Variants in HTR1F observed in about 807,000 individuals in gnomAD.
The protein encoded by HTR1F is 5-hydroxytryptamine receptor 1F.
HTR1F carries 17 observed loss-of-function variants against 24.0 expected under a neutral mutation model. The observed-to-expected ratio is 0.71, with a 90% CI of 0.48 to 1.06. The LOEUF (loss-of-function observed/expected upper bound fraction) is 1.06, where lower values mean the gene tolerates loss of function less well. HTR1F is among the 50% of genes least tolerant of loss of function. The pLI, the probability that HTR1F is intolerant of heterozygous loss-of-function variation, is 0.00. For missense variants in HTR1F, 391 were observed against 427.8 expected (o/e 0.91, Z 0.76); for synonymous variants, 186 against 156.8 (o/e 1.19, Z -1.39).
chr3:87,809,892 T>C (rs1281859671), intron 1 of HTR1F, among the ~76,000 whole-genome samples: 1 of 152,108 alleles, frequency 6.6e-6, no homozygotes, highest in Non-Finnish European at 1.5e-5. Flanking sequence ...TGAGTCATTT[T>C]ATTGAATTTT....
At chr3:87,931,279 A>T (rs1195881151) in intron 2 of HTR1F, among the ~76,000 whole-genome samples, 2 of 151,244 alleles carry the variant, frequency 1.3e-5, no homozygotes. Flanking sequence ...ATTCCCATCT[A>T]TGAGTGAGAA....
At chr3:87,806,518 T>C (rs1206001865) in intron 1 of HTR1F, among the ~76,000 whole-genome samples, 1 of 152,088 alleles carries the variant, frequency 6.6e-6, no homozygotes, top group Non-Finnish European at 1.5e-5. Flanking sequence ...ATTTGTTTTA[T>C]TTTTTCTGTT....
intron 2 of HTR1F, among the ~76,000 whole-genome samples, chr3:87,841,980 G>T (rs116317603): frequency 9.4e-5 from 14 of 148,824 alleles, no homozygotes; most frequent in African/African-American, 3.5e-4. Flanking sequence ...TTTCCCAAGA[G>T]CTTCTGCTTA....
intron 2 of HTR1F, among the ~76,000 whole-genome samples, chr3:87,977,726 T>G (rs1413717247): frequency 1.3e-5 from 2 of 151,822 alleles, no homozygotes; most frequent in Non-Finnish European, 2.9e-5. Flanking sequence ...CCACCAAAGC[T>G]GAGTCTTTTA....
chr3:87,887,662 G>A (rs1297755143), intron 2 of HTR1F, among the ~76,000 whole-genome samples: 1 of 152,158 alleles, frequency 6.6e-6, no homozygotes, highest in Non-Finnish European at 1.5e-5. Flanking sequence ...GTGGGCAATG[G>A]ATATGAACAG....
intron 2 of HTR1F, among the ~76,000 whole-genome samples, chr3:87,963,370 T>G (rs1705101424): frequency 6.6e-6 from 1 of 152,116 alleles, no homozygotes; most frequent in South Asian, 2.1e-4. Flanking sequence ...CTAGGAAAGC[T>G]TCTTATATTA....
rs1559662429 is a variant in HTR1F at position 87,991,399 on chromosome 3, C to G, written c.650C>G (p.Ala217Gly). The G allele has an allele frequency of 2.5e-6, 4 of 1,613,840 alleles. No individual in the cohort carries two copies. Among genetic ancestry groups the G allele is most frequent in the Non-Finnish European group, 3.4e-6 (4 of 1,179,948 alleles). Residue 217 changes from alanine to glycine, a missense_variant, in exon 3 of 3, where the codon GCA becomes GGA. By Grantham distance (60) the Ala-to-Gly change is moderately conservative (BLOSUM62 0). Coordinates refer to ENST00000319595, the MANE Select transcript of HTR1F (RefSeq NM_001322209.2). Reference sequence around the variant, plus strand: ...AAGACATTATACCACAAGAGACAAGCAAGTAGGATTGCAAAGGAGGAGGTG... The same window carrying G: ...AAGACATTATACCACAAGAGACAAGGAAGTAGGATTGCAAAGGAGGAGGTG... ...AAKTLYHKRQ[A>G]SRIAKEEVNG...
intron 2 of HTR1F, among the ~76,000 whole-genome samples, chr3:87,845,499 T>A (rs1704920548): frequency 6.8e-6 from 1 of 147,568 alleles, no homozygotes; most frequent in African/African-American, 2.5e-5. Context: ...TCAAAGAGAA[T>A]AAAATACCTA....
intron 1 of HTR1F, among the ~76,000 whole-genome samples, chr3:87,796,223 G>A (rs918033160): frequency 6.6e-6 from 1 of 152,142 alleles, no homozygotes; most frequent in Non-Finnish European, 1.5e-5. Flanking sequence ...AAGACTTGAT[G>A]ATAGATTAGA....
chr3:87,905,768 T>C, intron 2 of HTR1F, among the ~76,000 whole-genome samples: 1 of 151,986 alleles, frequency 6.6e-6, no homozygotes, highest in East Asian at 1.9e-4. Flanking sequence ...ATCATTCTAA[T>C]CTTTCTTCAG....
chr3:87,916,322 A>AG (rs967938920), intron 2 of HTR1F, among the ~76,000 whole-genome samples: 1 of 151,038 alleles, frequency 6.6e-6, no homozygotes, highest in Non-Finnish European at 1.5e-5. Flanking sequence ...AAAAAAAAAA[A>AG]AAAAAACAAG....
At chr3:87,897,238 A>ATG (rs767401367) in intron 2 of HTR1F, among the ~76,000 whole-genome samples, 1 of 147,836 alleles carries the variant, frequency 6.8e-6, no homozygotes, top group Non-Finnish European at 1.5e-5. Context: ...TAAATGTTTT[A>ATG]TATATATATA....
chr3:87,892,981 A>G (rs983642389), intron 2 of HTR1F, among the ~76,000 whole-genome samples: 1 of 152,048 alleles, frequency 6.6e-6, no homozygotes, highest in Non-Finnish European at 1.5e-5. Flanking sequence ...AAAGAAAAAA[A>G]TATATATATG....
chr3:87,813,278 G>A (rs1274187549), intron 1 of HTR1F, among the ~76,000 whole-genome samples: 1 of 152,218 alleles, frequency 6.6e-6, no homozygotes, highest in Non-Finnish European at 1.5e-5. Context: ...GGAGTCAAAA[G>A]ACATTATTTT....
chr3:87,935,085 C>A (rs1046468880), intron 2 of HTR1F, among the ~76,000 whole-genome samples: 1 of 152,146 alleles, frequency 6.6e-6, no homozygotes, highest in Non-Finnish European at 1.5e-5. Context: ...CCAGGCTGGT[C>A]TTGAATCCCT....
intron 2 of HTR1F, among the ~76,000 whole-genome samples, chr3:87,912,594 A>T (rs999146065): frequency 1.6e-3 from 74 of 46,132 alleles, no homozygotes; most frequent in South Asian, 2.7e-3. Flanking sequence ...TATAAAGTTT[A>T]AAAAAAAAAA....
At chr3:87,858,664 T>G (rs1262093299) in intron 2 of HTR1F, among the ~76,000 whole-genome samples, 1 of 152,126 alleles carries the variant, frequency 6.6e-6, no homozygotes, top group Non-Finnish European at 1.5e-5. Flanking sequence ...ATTCTCGGTT[T>G]TTTTTTTGTT....
At chr3:87,875,696 G>A (rs113447974) in intron 2 of HTR1F, among the ~76,000 whole-genome samples, 117 of 151,970 alleles carry the variant, frequency 7.7e-4, no homozygotes, top group Middle Eastern at 6.8e-3. Flanking sequence ...AGGCCGAGGC[G>A]GGCAGATCAC....
At chr3:87,924,391 C>T (rs962778334) in intron 2 of HTR1F, among the ~76,000 whole-genome samples, 3 of 151,928 alleles carry the variant, frequency 2.0e-5, no homozygotes, top group African/African-American at 7.2e-5. Context: ...TATTGCTTAT[C>T]TTTGCAGTTT....
Sources: gnomAD v4.1 joint callset for allele counts (sites outside exome capture counted in the v4.1 genomes callset) on GRCh38, gnomAD v4.1.1 for gene constraint, MANE v1.5 for transcripts, NCBI Gene and HGNC (gene_info 2026-07-23, HGNC 2026-07-21) for gene names.